The following MTHFD2L variants were observed in gnomAD, a reference collection of about 807,000 sequenced individuals.
MTHFD2L encodes methylenetetrahydrofolate dehydrogenase (NADP+ dependent) 2 like.
A neutral mutation model predicts 34.9 loss-of-function variants in MTHFD2L; 29 were observed. The ratio of observed to expected loss-of-function variants is 0.83; its 90% CI spans 0.62 to 1.13. MTHFD2L has a LOEUF of 1.13. MTHFD2L is among the 50% of genes most tolerant of loss of function. The pLI is 0.00. For missense variants in MTHFD2L, 481 were observed against 446.5 expected, an observed-to-expected ratio of 1.08 and a Z score of -0.70; for synonymous variants, 167 against 155.7, an observed-to-expected ratio of 1.07 and a Z score of -0.54.
intron 1 of MTHFD2L, among the ~76,000 whole-genome samples, chr4:74,153,078 C>T (rs1358518896): frequency 6.6e-6 from 1 of 152,150 alleles, no homozygotes; most frequent in Non-Finnish European, 1.5e-5. Context: ...TTTCCCTTGA[C>T]ATCTCAGTTT....
intron 1 of MTHFD2L, among the ~76,000 whole-genome samples, chr4:74,149,957 G>C (rs1723830750): frequency 6.6e-6 from 1 of 152,110 alleles, no homozygotes; most frequent in South Asian, 2.1e-4. Context: ...CAAATCATGA[G>C]GCCTTTAGAA....
intron 1 of MTHFD2L, among the ~76,000 whole-genome samples, chr4:74,168,391 A>G (rs1029407426): frequency 2.0e-5 from 3 of 152,204 alleles, no homozygotes; most frequent in African/African-American, 7.2e-5. Flanking sequence ...CCAGAAATCT[A>G]CATGACTCAT....
intron 1 of MTHFD2L, chr4:74,160,213 C>A: frequency 2.7e-6 from 2 of 742,420 alleles, no homozygotes; most frequent in Non-Finnish European, 3.9e-6. Context: ...TTTCTTTTGC[C>A]ATGAAATTTA....
intron 5 of MTHFD2L, among the ~76,000 whole-genome samples, chr4:74,203,846 C>T (rs1202658826): frequency 6.6e-6 from 1 of 151,694 alleles, no homozygotes; most frequent in Non-Finnish European, 1.5e-5. Flanking sequence ...GTAATGTTTA[C>T]CTAAGTATAC....
chr4:74,132,851 G>A (rs1327037253), intron 1 of MTHFD2L, among the ~76,000 whole-genome samples: 1 of 151,954 alleles, frequency 6.6e-6, no homozygotes, highest in African/African-American at 2.4e-5. Flanking sequence ...GGTTGTTGTC[G>A]CTATTATTGT....
intron 6 of MTHFD2L, among the ~76,000 whole-genome samples, chr4:74,256,410 G>A (rs1047092640): frequency 1.3e-5 from 2 of 152,160 alleles, no homozygotes; most frequent in African/African-American, 4.8e-5. Flanking sequence ...ACCATGCCCA[G>A]CCTCAATGTT....
chr4:74,148,914 A>C (rs1723768065), intron 1 of MTHFD2L, among the ~76,000 whole-genome samples: 2 of 151,774 alleles, frequency 1.3e-5, no homozygotes, highest in Admixed American at 1.3e-4. Context: ...TATATTTCTT[A>C]GGCCCCTTTG....
At chr4:74,189,485 C>CCTTTTTTT (rs1168720652) in intron 3 of MTHFD2L, among the ~76,000 whole-genome samples, 2,499 of 119,536 alleles carry the variant, frequency 0.021, 178 homozygotes, top group African/African-American at 0.08. Flanking sequence ...GTTTTTCTTC[C>CCTTTTTTT]TTTTTTTTTT....
chr4:74,154,722 A>G (rs879924170), upstream of MTHFD2L, among the ~76,000 whole-genome samples: 3 of 152,084 alleles, frequency 2.0e-5, no homozygotes, highest in Non-Finnish European at 4.4e-5. Context: ...AATTTTTCCA[A>G]GGAGTCCTGG....
intron 6 of MTHFD2L, among the ~76,000 whole-genome samples, chr4:74,257,739 G>A (rs1460557052): frequency 6.6e-6 from 1 of 152,098 alleles, no homozygotes; most frequent in East Asian, 1.9e-4. Context: ...AGTAAAAATA[G>A]ACAAATGGGA....
chr4:74,189,356 A>G (rs564350733), intron 3 of MTHFD2L, among the ~76,000 whole-genome samples: 2 of 152,240 alleles, frequency 1.3e-5, no homozygotes, highest in South Asian at 4.1e-4. Flanking sequence ...TTAAAAAGAA[A>G]AACTTTCTCA....
At chr4:74,153,004 T>C (rs1249219986) in intron 1 of MTHFD2L, among the ~76,000 whole-genome samples, 2 of 152,246 alleles carry the variant, frequency 1.3e-5, no homozygotes, top group African/African-American at 4.8e-5. Flanking sequence ...TAGCTACCCA[T>C]GTTGTTTATT....
intron 1 of MTHFD2L, among the ~76,000 whole-genome samples, chr4:74,138,602 A>C (rs1319873221): frequency 2.6e-5 from 4 of 152,170 alleles, no homozygotes; most frequent in Non-Finnish European, 4.4e-5. Flanking sequence ...CGGCAATGGG[A>C]ACCTCGCTGG....
chr4:74,150,723 CAA>C (rs1723881215), intron 1 of MTHFD2L, among the ~76,000 whole-genome samples: 1 of 151,662 alleles, frequency 6.6e-6, no homozygotes, highest in South Asian at 2.1e-4. Flanking sequence ...CAAAGTGAAA[CAA>C]AATTTAAATG....
chr4:74,249,107 T>C (rs1742932782), intron 6 of MTHFD2L, among the ~76,000 whole-genome samples: 1 of 152,048 alleles, frequency 6.6e-6, no homozygotes, highest in Non-Finnish European at 1.5e-5. Context: ...TATTAATGTG[T>C]GGGAGTCTAA....
intron 3 of MTHFD2L, chr4:74,180,951 AG>A: frequency 5.6e-6 from 1 of 178,260 alleles, no homozygotes; most frequent in Middle Eastern, 2.1e-3. Flanking sequence ...GCTTTTATTG[AG>A]TTATCTGTAT....
At chr4:74,221,412 A>G (rs1429241669) in intron 5 of MTHFD2L, among the ~76,000 whole-genome samples, 1 of 151,750 alleles carries the variant, frequency 6.6e-6, no homozygotes, top group Non-Finnish European at 1.5e-5. Flanking sequence ...TTCTATATAT[A>G]TCTCCTGTAA....
chr4:74,274,091 A>AT (rs1746323562), intron 6 of MTHFD2L, among the ~76,000 whole-genome samples: 1 of 151,896 alleles, frequency 6.6e-6, no homozygotes, highest in Admixed American at 6.6e-5. Context: ...ACCTCAAGTG[A>AT]TACACCTCCT....
At chr4:74,269,414 A>G (rs962560227) in intron 6 of MTHFD2L, among the ~76,000 whole-genome samples, 3 of 152,094 alleles carry the variant, frequency 2.0e-5, no homozygotes, top group Admixed American at 1.3e-4. Context: ...TGGAGTTAAT[A>G]TAGTTTATTG....
Sources: gnomAD v4.1 joint callset for allele counts (sites outside exome capture counted in the v4.1 genomes callset) on GRCh38, gnomAD v4.1.1 for gene constraint, MANE v1.5 for transcripts, NCBI Gene and HGNC (gene_info 2026-07-23, HGNC 2026-07-21) for gene names.